The following TNS3 variants were observed in gnomAD, a reference collection of about 807,000 sequenced individuals.
The protein encoded by TNS3 is tensin-3.
Under a neutral mutation model 140.9 loss-of-function variants are expected in TNS3, and 45 were observed. The observed-to-expected ratio is 0.32, with a 90% confidence interval of 0.25 to 0.41. TNS3 has a LOEUF of 0.41. TNS3 is among the 10% of genes least tolerant of loss of function. TNS3 has a pLI of 1.00. For synonymous variants in TNS3, 815 were observed against 788.4 expected (o/e 1.03, Z -0.56); for missense variants, 1,716 against 1,906.7 (o/e 0.90, Z 1.86).
intron 10 of TNS3, among the ~76,000 whole-genome samples, chr7:47,419,172 C>G (rs567951397): frequency 4.6e-5 from 7 of 152,340 alleles, no homozygotes; most frequent in African/African-American, 1.4e-4. Flanking sequence ...CAGAGTAGAC[C>G]ACAACACATC....
At chr7:47,514,740 GAGCA>G (rs1798723906) in intron 2 of TNS3, among the ~76,000 whole-genome samples, 1 of 152,094 alleles carries the variant, frequency 6.6e-6, no homozygotes, top group African/African-American at 2.4e-5. Context: ...CTCAAATGGG[GAGCA>G]TTTATGCGTG....
At chr7:47,437,564 A>T (rs1225313900) in intron 6 of TNS3, among the ~76,000 whole-genome samples, 1 of 151,700 alleles carries the variant, frequency 6.6e-6, no homozygotes, top group Non-Finnish European at 1.5e-5. Context: ...AGATTGAAAA[A>T]TACAGACTTG....
chr7:47,380,098 G>C (rs1306094848), intron 16 of TNS3, among the ~76,000 whole-genome samples: 1 of 152,238 alleles, frequency 6.6e-6, no homozygotes, highest in Non-Finnish European at 1.5e-5. Context: ...GGTCTCCTGG[G>C]TGAGGCTCTG....
intron 26 of TNS3, among the ~76,000 whole-genome samples, chr7:47,292,548 A>G (rs1421465128): frequency 6.6e-6 from 1 of 152,208 alleles, no homozygotes; most frequent in Non-Finnish European, 1.5e-5. Flanking sequence ...TCTTTGTCTG[A>G]GGGTTTTATA....
chr7:47,446,279 T>C (rs543889544), intron 4 of TNS3, among the ~76,000 whole-genome samples: 140 of 152,106 alleles, frequency 9.2e-4, no homozygotes, highest in African/African-American at 3.0e-3. Context: ...GCCCAGCTAA[T>C]TTTTTTGTAT....
At chr7:47,359,128 G>A (rs1790171821) in intron 17 of TNS3, among the ~76,000 whole-genome samples, 1 of 152,156 alleles carries the variant, frequency 6.6e-6, no homozygotes, top group South Asian at 2.1e-4. Flanking sequence ...GAGGCCAAAG[G>A]TGGGAACAAC....
chr7:47,482,541 G>C (rs1280213652), intron 3 of TNS3, among the ~76,000 whole-genome samples: 1 of 152,214 alleles, frequency 6.6e-6, no homozygotes, highest in African/African-American at 2.4e-5. Context: ...CAGGATGGCG[G>C]AAACAGCCGG....
intron 30 of TNS3, 87 bp downstream of exon 30, chr7:47,280,077 C>A: frequency 6.6e-7 from 1 of 1,504,106 alleles, no homozygotes; most frequent in Non-Finnish European, 9.2e-7. Context: ...TCTTATAAGG[C>A]ACCCCCTGTG....
intron 1 of TNS3, among the ~76,000 whole-genome samples, chr7:47,570,443 T>A (rs531731997): frequency 1.1e-3 from 161 of 152,366 alleles, no homozygotes; most frequent in Admixed American, 2.2e-3. Context: ...ATGTGGCTAT[T>A]TTCCAAGGAA....
intron 16 of TNS3, among the ~76,000 whole-genome samples, chr7:47,386,377 T>C (rs1476764136): frequency 2.0e-5 from 3 of 152,222 alleles, no homozygotes; most frequent in African/African-American, 7.2e-5. Context: ...GTCAATGGCT[T>C]TCCCTGCACT....
chr7:47,432,722 C>T (rs1023294004), intron 8 of TNS3, among the ~76,000 whole-genome samples: 5 of 152,148 alleles, frequency 3.3e-5, no homozygotes, highest in African/African-American at 1.2e-4. Flanking sequence ...CATGGATGTA[C>T]GTGAACAGAT....
intron 3 of TNS3, among the ~76,000 whole-genome samples, chr7:47,492,992 G>A (rs549401337): frequency 6.6e-5 from 10 of 152,334 alleles, no homozygotes; most frequent in African/African-American, 2.4e-4. Flanking sequence ...GCTTCTTGGG[G>A]GTCTGTGGCA....
intron 4 of TNS3, among the ~76,000 whole-genome samples, chr7:47,466,415 G>T (rs1437199105): frequency 2.0e-5 from 3 of 152,122 alleles, no homozygotes; most frequent in African/African-American, 7.2e-5. Flanking sequence ...CAAAGTGCTG[G>T]GATTACAGGC....
intron 20 of TNS3, among the ~76,000 whole-genome samples, chr7:47,344,142 C>T (rs971947724): frequency 3.3e-5 from 5 of 152,198 alleles, no homozygotes; most frequent in East Asian, 3.9e-4. Flanking sequence ...TGCCTGAGCT[C>T]GGCCTTGTCC....
chr7:47,566,005 T>C (rs1800421400), intron 1 of TNS3, among the ~76,000 whole-genome samples: 1 of 121,352 alleles, frequency 8.2e-6, no homozygotes, highest in African/African-American at 3.1e-5. Context: ...ATTAACAGCT[T>C]CACTGGGGTT....
At chr7:47,579,087 T>C (rs1054820682) in intron 1 of TNS3, 4 of 152,224 alleles carry the variant, frequency 2.6e-5, no homozygotes, top group African/African-American at 9.7e-5. Flanking sequence ...CTGTGTTCCA[T>C]GTTGTGATGG....
chr7:47,483,945 C>A (rs1486855801), intron 3 of TNS3, among the ~76,000 whole-genome samples: 1 of 152,270 alleles, frequency 6.6e-6, no homozygotes, highest in Non-Finnish European at 1.5e-5. Flanking sequence ...CCTAACCCCA[C>A]AGAGCTTACG....
At chr7:47,491,346 C>A (rs908187764) in intron 3 of TNS3, among the ~76,000 whole-genome samples, 5 of 152,228 alleles carry the variant, frequency 3.3e-5, no homozygotes, top group African/African-American at 1.2e-4. Flanking sequence ...GAAATTAGGG[C>A]AAGCCCTCTG....
chr7:47,521,047 C>G (rs942734612), intron 2 of TNS3, among the ~76,000 whole-genome samples: 2 of 152,168 alleles, frequency 1.3e-5, no homozygotes, highest in Non-Finnish European at 2.9e-5. Flanking sequence ...GGGCTCTAGG[C>G]CCTTTGCTGA....
Sources: allele counts gnomAD v4.1 joint callset (sites outside exome capture counted in the v4.1 genomes callset), GRCh38; gene constraint gnomAD v4.1.1; transcripts MANE v1.5; gene names NCBI Gene and HGNC (gene_info 2026-07-23, HGNC 2026-07-21).